ANOS1: variants seen among roughly 807,000 people sequenced by gnomAD.
The protein encoded by ANOS1 is anosmin 1, also known as anosmin-1.
In ANOS1, 6 loss-of-function variants were observed where a neutral mutation model predicts 59.0. The observed-to-expected ratio is 0.10, with a 90% confidence interval of 0.06 to 0.20. The LOEUF is 0.20. ANOS1 is among the 10% of genes least tolerant of loss of function. The probability of loss-of-function intolerance (pLI) is 1.00; values close to 1 mark genes in which losing one functional copy is unlikely to be tolerated. For missense variants in ANOS1, 433 were observed against 542.3 expected, an observed-to-expected ratio of 0.80 and a Z score of 2.00; for synonymous variants, 217 against 223.4, an observed-to-expected ratio of 0.97 and a Z score of 0.25.
At position 8,706,580 on chromosome X, in the gene ANOS1, C is replaced by T. The variant is rs779098820; in HGVS notation, c.208-6835G>A. Among the ~76,000 whole-genome samples the T allele has an allele frequency of 6.9e-4, 77 of 112,035 alleles. 1 individual carries two copies. The highest frequency in any genetic ancestry group is 1.1e-3 in the South Asian group (3 of 2,668). ...TGATGATGTGCCAACGTAGGTTCAT[C>T]CCTTGTCACAAATGTCCCACTCTGG... is the stretch of plus-strand genomic sequence containing the variant. On this transcript the variant is annotated intron_variant, in intron 1 of 13. Transcript: ENST00000262648.
intron 8 of ANOS1, among the ~76,000 whole-genome samples, chrX:8,559,747 GA>G (rs758893293): frequency 9.8e-5 from 11 of 111,989 alleles, no homozygotes; most frequent in African/African-American, 3.2e-4. Context: ...CTTTGCCCAT[GA>G]AAACTTCTCA....
chrX:8,568,775 C>T (rs190701853), intron 7 of ANOS1, among the ~76,000 whole-genome samples: 75 of 110,908 alleles, frequency 6.8e-4, no homozygotes, highest in African/African-American at 2.0e-3. Flanking sequence ...GAGCTGTGAT[C>T]GCACCACTGC....
intron 7 of ANOS1, among the ~76,000 whole-genome samples, chrX:8,569,347 T>A (rs1468161065): frequency 8.9e-6 from 1 of 112,266 alleles, no homozygotes. Flanking sequence ...TAAAATTTCA[T>A]AAAAATAAAG....
At position 8,539,694 on chromosome X, in the gene ANOS1, G is replaced by C. The variant is rs781745609; in HGVS notation, c.1419C>G (p.Thr473=). The change falls in exon 10 of 14, where the codon ACC becomes ACG. Residue 473 remains threonine, a synonymous_variant. Transcript: ENST00000262648. The stretch of plus-strand genomic sequence containing the variant: ...TCATGCCAGATGATGCCTCTGATCC[G>C]GTTGTTCTGTTGTGGGCACACGCTT... ...FPEACAHNRT[T]GSEASSGMTH... is the part of the protein sequence containing the mutation. 1.7e-6 allele frequency: 2 copies of C among 1,209,419 alleles called. No individual in the cohort carries two copies. The highest frequency in any genetic ancestry group is 3.5e-5 in the African/African-American group (2 of 56,964).
intron 3 of ANOS1, among the ~76,000 whole-genome samples, chrX:8,598,008 G>C (rs927654606): frequency 3.6e-5 from 4 of 111,301 alleles, no homozygotes; most frequent in African/African-American, 1.3e-4. Flanking sequence ...AAAATAGCAG[G>C]AGCTCTATAA....
intron 2 of ANOS1, among the ~76,000 whole-genome samples, chrX:8,670,095 A>G (rs1932231249): frequency 9.0e-6 from 1 of 110,701 alleles, no homozygotes; most frequent in South Asian, 3.9e-4. Flanking sequence ...TATGTGATTA[A>G]TTCTATTAAA....
intron 1 of ANOS1, among the ~76,000 whole-genome samples, chrX:8,702,579 A>G (rs1216170595): frequency 6.3e-5 from 7 of 111,616 alleles, no homozygotes; most frequent in African/African-American, 9.8e-5. Flanking sequence ...AGGATTGGCT[A>G]AAATCCTAGG....
intron 3 of ANOS1, among the ~76,000 whole-genome samples, chrX:8,622,729 C>T (rs886123355): frequency 1.1e-4 from 12 of 112,265 alleles, no homozygotes; most frequent in Non-Finnish European, 1.9e-4. Context: ...GTCTGCTTGG[C>T]CTTGTGTCTG....
At chrX:8,643,563 T>A (rs1440428948) in intron 2 of ANOS1, among the ~76,000 whole-genome samples, 1 of 111,650 alleles carries the variant, frequency 9.0e-6, no homozygotes, top group Non-Finnish European at 1.9e-5. Context: ...AGGAAGAAAA[T>A]CAAAATATTT....
intron 2 of ANOS1, among the ~76,000 whole-genome samples, chrX:8,631,237 T>C (rs1397435951): frequency 8.9e-6 from 1 of 112,422 alleles, no homozygotes; most frequent in Non-Finnish European, 1.9e-5. Flanking sequence ...ATGGCATTTA[T>C]AAGTTTCTTT....
chrX:8,653,373 C>A (rs1020220995), intron 2 of ANOS1, among the ~76,000 whole-genome samples: 1 of 110,931 alleles, frequency 9.0e-6, no homozygotes, highest in Non-Finnish European at 1.9e-5. Flanking sequence ...TGCTTGGATG[C>A]TCTCCTAGAT....
intron 8 of ANOS1, among the ~76,000 whole-genome samples, chrX:8,559,608 T>C (rs1185972289): frequency 1.8e-5 from 2 of 112,061 alleles, no homozygotes; most frequent in Non-Finnish European, 3.8e-5. Flanking sequence ...TATTATTTTG[T>C]TTTAATTTAG....
At chrX:8,561,566 C>T (rs888158443) in intron 8 of ANOS1, among the ~76,000 whole-genome samples, 3 of 105,900 alleles carry the variant, frequency 2.8e-5, no homozygotes, top group African/African-American at 1.0e-4. Context: ...CCACCCGACT[C>T]GGCCTCCCAA....
chrX:8,715,680 T>C (rs1406502977), intron 1 of ANOS1, among the ~76,000 whole-genome samples: 1 of 111,299 alleles, frequency 9.0e-6, no homozygotes, highest in African/African-American at 3.3e-5. Flanking sequence ...GTCTCTTAAA[T>C]TAAAAAATTA....
intron 3 of ANOS1, among the ~76,000 whole-genome samples, chrX:8,620,926 C>CAAA (rs1931280699): frequency 8.9e-6 from 1 of 112,127 alleles, no homozygotes; most frequent in African/African-American, 3.2e-5. Flanking sequence ...GAAACCTGCT[C>CAAA]TTGAATTTGA....
rs1166387234 is a variant in ANOS1 at position 8,532,593 on chromosome X, T to C, written c.*402A>G. ...CAATAATTTAGTCAAAAATATATTT[T>C]ATTGATTAGATTTACGCTTAGTGTT... On this transcript the variant is annotated 3_prime_UTR_variant, in exon 14 of 14. Coordinates refer to ENST00000262648, the MANE Select transcript of ANOS1 (RefSeq NM_000216.4). The C allele has an allele frequency of 8.5e-6, 1 of 118,092 alleles. No homozygotes were observed. The highest frequency in any genetic ancestry group is 3.2e-5 in the African/African-American group (1 of 31,183). The allele number at this position is 118,092 out of a possible 1,213,427, so 9.7% of individuals were successfully genotyped here.
Position 8,535,760 on chromosome X carries a change from A to G in ANOS1, c.1673T>C (p.Phe558Ser), listed in dbSNP as rs760068435. Residue 558 changes from phenylalanine (F) to serine (S), a missense_variant, in exon 12 of 14, where the codon TTC becomes TCC. Transcript: ENST00000262648. The stretch of plus-strand genomic sequence containing the variant: ...GGTGATGTTCACATCCTGGACGATG[A>G]ATGAAGCAGAAAGGTTCTCAGGCTT... ...LAKPENLSASFIVQDVNITGH... is the reference protein window; with the variant it reads ...LAKPENLSASSIVQDVNITGH... 32 of 1,210,630 alleles carry G rather than the reference A, an allele frequency of 2.6e-5. No individual in the cohort carries two copies. The African/African-American group carries it at 3.1e-4, about 12-fold the overall frequency.
At chrX:8,712,027 C>A (rs1464580138) in intron 1 of ANOS1, among the ~76,000 whole-genome samples, 1 of 112,262 alleles carries the variant, frequency 8.9e-6, no homozygotes, top group East Asian at 2.8e-4. Flanking sequence ...ACTTTGTTTC[C>A]TACGGCTGCC....
chrX:8,679,111 C>T (rs778737009), intron 2 of ANOS1, among the ~76,000 whole-genome samples: 1 of 111,653 alleles, frequency 9.0e-6, no homozygotes, highest in East Asian at 2.8e-4. Context: ...TTCAAGGGGC[C>T]TTTCCAATGG....
Sources: gnomAD v4.1 joint callset for allele counts (sites outside exome capture counted in the v4.1 genomes callset) on GRCh38, gnomAD v4.1.1 for gene constraint, MANE v1.5 for transcripts, NCBI Gene and HGNC (gene_info 2026-07-23, HGNC 2026-07-21) for gene names.